The following RSRC1 variants were observed in gnomAD, a reference collection of about 807,000 sequenced individuals.
RSRC1 encodes arginine and serine rich coiled-coil 1, also known as serine/Arginine-related protein 53.
A neutral mutation model predicts 49.1 loss-of-function variants in RSRC1; 39 were observed. The observed-to-expected ratio is 0.79, with a 90% CI of 0.61 to 1.04. The LOEUF is 1.04. RSRC1 is among the 50% of genes least tolerant of loss of function. RSRC1 has a pLI of 0.00. For missense variants in RSRC1, 388 were observed against 402.4 expected, an observed-to-expected ratio of 0.96 and a Z score of 0.31; for synonymous variants, 143 against 130.8, an observed-to-expected ratio of 1.09 and a Z score of -0.63.
chr3:158,511,108 GT>G (rs55725154), intron 7 of RSRC1, among the ~76,000 whole-genome samples: 41 of 149,412 alleles, frequency 2.7e-4, no homozygotes, highest in African/African-American at 8.4e-4. Context: ...TCATTTGTTG[GT>G]TTTTTTTTTA....
intron 4 of RSRC1, chr3:158,276,525 A>C: frequency 1.8e-6 from 1 of 551,878 alleles, no homozygotes; most frequent in Non-Finnish European, 3.2e-6. Context: ...CTCTTTTCTC[A>C]AACTCTCAGT....
intron 4 of RSRC1, among the ~76,000 whole-genome samples, chr3:158,252,579 G>T (rs1477809952): frequency 6.6e-6 from 1 of 152,152 alleles, no homozygotes; most frequent in African/African-American, 2.4e-5. Flanking sequence ...TCTGGTTTTG[G>T]TATCAGGGTA....
intron 6 of RSRC1, among the ~76,000 whole-genome samples, chr3:158,373,065 CACTT>C (rs1204588272): frequency 6.6e-6 from 1 of 151,768 alleles, no homozygotes; most frequent in African/African-American, 2.4e-5. Flanking sequence ...TTGTCAAACT[CACTT>C]AGAGATTACT....
chr3:158,130,744 G>A (rs1327621384), intron 3 of RSRC1, among the ~76,000 whole-genome samples: 1 of 152,102 alleles, frequency 6.6e-6, no homozygotes, highest in East Asian at 1.9e-4. Flanking sequence ...AGAGTTTGGA[G>A]TATTTTGGAT....
intron 1 of RSRC1, among the ~76,000 whole-genome samples, chr3:158,113,187 A>G (rs998336423): frequency 1.3e-5 from 2 of 152,032 alleles, no homozygotes; most frequent in Non-Finnish European, 2.9e-5. Context: ...GTCAAATGGT[A>G]TTTCTGGTTC....
At chr3:158,123,272 G>T (rs920664086) in intron 2 of RSRC1, among the ~76,000 whole-genome samples, 1 of 152,176 alleles carries the variant, frequency 6.6e-6, no homozygotes, top group African/African-American at 2.4e-5. Flanking sequence ...CTCCCAAAAT[G>T]TTGGGATTAC....
At chr3:158,383,300 T>C (rs1181837007) in intron 6 of RSRC1, among the ~76,000 whole-genome samples, 5 of 152,200 alleles carry the variant, frequency 3.3e-5, no homozygotes, top group African/African-American at 1.2e-4. Context: ...TGGCCCTCCA[T>C]ATCCACTGGT....
chr3:158,519,165 T>C (rs1296350652), intron 7 of RSRC1, among the ~76,000 whole-genome samples: 1 of 152,164 alleles, frequency 6.6e-6, no homozygotes, highest in African/African-American at 2.4e-5. Flanking sequence ...TTTATTTTCA[T>C]AATTCTTTTA....
intron 6 of RSRC1, among the ~76,000 whole-genome samples, chr3:158,423,695 C>T (rs1437556372): frequency 4.6e-5 from 7 of 152,192 alleles, no homozygotes; most frequent in Non-Finnish European, 1.0e-4. Flanking sequence ...GATATTGATT[C>T]TTCCTACCAA....
chr3:158,477,798 T>TTTTTTATATA (rs1485762587), intron 7 of RSRC1, among the ~76,000 whole-genome samples: 2 of 89,772 alleles, frequency 2.2e-5, no homozygotes, highest in African/African-American at 9.2e-5. Flanking sequence ...CGGGAGGGAT[T>TTTTTTATATA]TATATATATA....
intron 4 of RSRC1, among the ~76,000 whole-genome samples, chr3:158,241,548 T>C (rs1723579943): frequency 6.6e-6 from 1 of 151,924 alleles, no homozygotes; most frequent in African/African-American, 2.4e-5. Flanking sequence ...ATTTTTTTTT[T>C]CTAAAATCCT....
intron 4 of RSRC1, among the ~76,000 whole-genome samples, chr3:158,269,772 A>G (rs1034765063): frequency 6.6e-6 from 1 of 152,100 alleles, no homozygotes; most frequent in Non-Finnish European, 1.5e-5. Flanking sequence ...TGGCCTCCCA[A>G]AGTGCTGGGA....
At chr3:158,530,448 C>A (rs1000231273) in intron 7 of RSRC1, among the ~76,000 whole-genome samples, 4 of 151,902 alleles carry the variant, frequency 2.6e-5, no homozygotes, top group African/African-American at 9.7e-5. Context: ...CTAGCCTGCT[C>A]TATTTTCCTT....
At position 158,427,292 on chromosome 3, in the gene RSRC1, CAT is replaced by C. The variant is rs541639498; in HGVS notation, c.584-33642_584-33641del. On this transcript the variant is annotated intron_variant, in intron 6 of 9. Coordinates refer to ENST00000611884, the MANE Select transcript of RSRC1 (RefSeq NM_001271838.2). ...TACAAATTATTTGAATTAATGAAAA[CAT>C]GTAGTGTGTTTTTAGATGGGAAGAT... 2.6e-5 allele frequency among the ~76,000 whole-genome samples: 4 copies of C among 151,720 alleles called. No individual in the cohort carries two copies. The South Asian group carries it at 6.2e-4, about 24-fold the overall frequency.
intron 7 of RSRC1, among the ~76,000 whole-genome samples, chr3:158,462,263 C>T (rs1737654897): frequency 6.6e-6 from 1 of 151,848 alleles, no homozygotes; most frequent in African/African-American, 2.4e-5. Context: ...TATCTGATTT[C>T]AGTTATCCTT....
chr3:158,196,835 A>C (rs1720653490), intron 3 of RSRC1, among the ~76,000 whole-genome samples: 2 of 152,196 alleles, frequency 1.3e-5, no homozygotes, highest in Admixed American at 1.3e-4. Flanking sequence ...CCAGACTTGC[A>C]TCCCAGGGAT....
At chr3:158,343,103 A>G (rs1730347254) in intron 5 of RSRC1, among the ~76,000 whole-genome samples, 1 of 152,218 alleles carries the variant, frequency 6.6e-6, no homozygotes, top group East Asian at 1.9e-4. Flanking sequence ...ATAAGAGGAA[A>G]CTGAAGCTTG....
chr3:158,259,446 T>C (rs1234905428), intron 4 of RSRC1, among the ~76,000 whole-genome samples: 2 of 152,164 alleles, frequency 1.3e-5, no homozygotes, highest in African/African-American at 4.8e-5. Flanking sequence ...TCTCACTCTG[T>C]GCTGAACTGC....
chr3:158,270,318 GA>G (rs1553777378), intron 4 of RSRC1, among the ~76,000 whole-genome samples: 1 of 152,088 alleles, frequency 6.6e-6, no homozygotes, highest in Non-Finnish European at 1.5e-5. Flanking sequence ...TCTACCTCCC[GA>G]GTTAACCATG....
Sources: allele counts gnomAD v4.1 joint callset (sites outside exome capture counted in the v4.1 genomes callset), GRCh38; gene constraint gnomAD v4.1.1; transcripts MANE v1.5; gene names NCBI Gene and HGNC (gene_info 2026-07-23, HGNC 2026-07-21).